The following MYOM2 variants were observed in gnomAD, a reference collection of about 807,000 sequenced individuals.
MYOM2 encodes the protein myomesin-2.
MYOM2 carries 254 observed loss-of-function variants against 187.6 expected under a neutral mutation model. The observed-to-expected ratio is 1.35, with a 90% CI of 1.22 to 1.50. The LOEUF is 1.50. Among genes scored for constraint, MYOM2 ranks in the 40% most tolerant of loss-of-function variants. The pLI is 0.00. For missense variants in MYOM2, 2,796 were observed against 1,924.0 expected, an observed-to-expected ratio of 1.45 and a Z score of -8.48; for synonymous variants, 981 against 753.8, an observed-to-expected ratio of 1.30 and a Z score of -4.94.
At chr8:2,135,210 A>G (rs1243729203) in intron 32 of MYOM2, among the ~76,000 whole-genome samples, 1 of 152,214 alleles carries the variant, frequency 6.6e-6, no homozygotes, top group African/African-American at 2.4e-5. Flanking sequence ...TATCTCTGTG[A>G]GAAACAAATG....
At chr8:2,047,024 C>G (rs531153673) in intron 1 of MYOM2, among the ~76,000 whole-genome samples, 3 of 152,298 alleles carry the variant, frequency 2.0e-5, no homozygotes, top group African/African-American at 7.2e-5. Context: ...TCTCAAGTAT[C>G]CAATTTCTGG....
rs1256538137 is a variant in MYOM2, at chr8:2,096,165, C to T, written c.2126-82C>T. On this transcript the variant is annotated intron_variant, in intron 17 of 36. Coordinates refer to ENST00000262113, the MANE Select transcript of MYOM2 (RefSeq NM_003970.4). ...GTCTCCACGTTGCTTCCTCCTCCCT[C>T]TGCCACACTGGAGCTGGCTGCCCCG... 2.1e-6 allele frequency: 3 copies of T among 1,411,462 alleles called. No individual in the cohort carries two copies. In the Admixed American group the frequency reaches 5.7e-5, roughly 27 times the overall value. 87.4% of individuals were successfully genotyped at this position (1,411,462 alleles called of 1,614,324 possible). A position where few individuals can be genotyped will look rare whatever the true frequency, so the allele number is the denominator to read the frequency against.
chr8:2,110,856 A>T (rs549597516), intron 25 of MYOM2, among the ~76,000 whole-genome samples: 131 of 152,234 alleles, frequency 8.6e-4, no homozygotes, highest in African/African-American at 3.0e-3. Flanking sequence ...GCAGGTAAGG[A>T]TCATAGAATT....
chr8:2,075,321 G>A (rs915738983), intron 10 of MYOM2, among the ~76,000 whole-genome samples: 2 of 152,094 alleles, frequency 1.3e-5, no homozygotes, highest in African/African-American at 2.4e-5. Flanking sequence ...ATGCAACACG[G>A]CTCAAATCGC....
At chr8:2,103,752 T>C (rs931141973) in intron 21 of MYOM2, among the ~76,000 whole-genome samples, 1 of 151,088 alleles carries the variant, frequency 6.6e-6, no homozygotes, top group Non-Finnish European at 1.5e-5. Flanking sequence ...TATGGATAAA[T>C]GAGTGGGAGA....
intron 24 of MYOM2, 62 bp from the exon 25 acceptor site, chr8:2,109,333 C>A: frequency 6.7e-7 from 1 of 1,490,346 alleles, no homozygotes; most frequent in Non-Finnish European, 9.0e-7. Context: ...CTACAATTTG[C>A]AGGTATTCTT....
chr8:2,131,979 T>C (rs1016621771), intron 32 of MYOM2, among the ~76,000 whole-genome samples: 1 of 152,182 alleles, frequency 6.6e-6, no homozygotes, highest in African/African-American at 2.4e-5. Flanking sequence ...AACTAAACTA[T>C]AAGACCTTAA....
chr8:2,079,039 G>A, intron 12 of MYOM2, 106 bp downstream of exon 12: 2 of 1,085,734 alleles, frequency 1.8e-6, no homozygotes, highest in African/African-American at 1.5e-5. Flanking sequence ...CCCTGAGAAT[G>A]CCCTGTGTGC....
At chr8:2,065,311 C>A (rs1818980061) in intron 6 of MYOM2, among the ~76,000 whole-genome samples, 1 of 152,180 alleles carries the variant, frequency 6.6e-6, no homozygotes, top group Non-Finnish European at 1.5e-5. Context: ...TGGCTCATGC[C>A]TGTAATCCCA....
At position 2,123,350 on chromosome 8, in the gene MYOM2, G is replaced by C. The variant is rs769536664; in HGVS notation, c.3552G>C (p.Glu1184Asp). The change falls in exon 29 of 37, where the codon GAG becomes GAC. Residue 1184 changes from glutamate to aspartate, a missense_variant. Physicochemically the swap from Glu to Asp is conservative, Grantham distance 45. Transcript: ENST00000262113. ...CTAACCTGGAGAGGGGAATCTGTGA[G>C]CTCCTCATCCCAAAGGTATCAGGCA... ...TLPNLERGIC[E>D]LLIPKLSKKD... is the part of the protein sequence containing the mutation. 77 of 1,610,898 alleles carry C rather than the reference G, an allele frequency of 4.8e-5. No individual in the cohort carries two copies. Among genetic ancestry groups the C allele is most frequent in the Non-Finnish European group, 5.8e-5 (68 of 1,178,580 alleles).
chr8:2,069,174 A>T, intron 6 of MYOM2, 104 bp from the exon 7 acceptor site: 1 of 1,108,638 alleles, frequency 9.0e-7, no homozygotes, highest in Non-Finnish European at 1.3e-6. Flanking sequence ...GAACAAATAA[A>T]CCACGCCATG....
chr8:2,100,153 C>CTTCTTTCT (rs1796654345), intron 19 of MYOM2, among the ~76,000 whole-genome samples: 3 of 137,330 alleles, frequency 2.2e-5, no homozygotes, highest in African/African-American at 8.7e-5. Context: ...TCCTTCCTTC[C>CTTCTTTCT]TTCCTTCCTT....
At chr8:2,074,771 A>T (rs1013084633) in intron 10 of MYOM2, among the ~76,000 whole-genome samples, 1 of 152,090 alleles carries the variant, frequency 6.6e-6, no homozygotes, top group African/African-American at 2.4e-5. Context: ...CTACGCTTTT[A>T]TCAGTGTCTG....
At chr8:2,079,362 C>G (rs1394165309) in intron 12 of MYOM2, among the ~76,000 whole-genome samples, 198 bp from the exon 13 acceptor site, 1 of 152,006 alleles carries the variant, frequency 6.6e-6, no homozygotes, top group Admixed American at 6.6e-5. Context: ...CGCACATGGT[C>G]CTTTGCATCC....
rs2280910 is a variant in MYOM2 at position 2,144,656 on chromosome 8, G to T, written c.4081-8G>T. 2.6e-3 allele frequency: 4,226 copies of T among 1,612,808 alleles called. 61 individuals carry two copies. The East Asian group carries it at 0.035, about 13-fold the overall frequency. ...TCTTCCTTCTCCACCAACCTCTTCC[G>T]TCCAAAGACCTTGAATCTGACCTGC... On this transcript the variant is annotated splice_polypyrimidine_tract_variant and splice_region_variant and intron_variant, in intron 36 of 36. Transcript: ENST00000262113.
At chr8:2,098,172 G>A (rs3824184) in intron 18 of MYOM2, 21,350 of 152,270 alleles carry the variant, frequency 0.14, 1,594 homozygotes, top group East Asian at 0.24. Flanking sequence ...AACTGAAGCC[G>A]TTTATCCTCA....
At chr8:2,142,310 T>C in intron 34 of MYOM2, 65 bp from the exon 35 acceptor site, 4 of 1,505,684 alleles carry the variant, frequency 2.7e-6, no homozygotes, top group Non-Finnish European at 2.8e-6. Flanking sequence ...AGCTGTGCAT[T>C]TTGTTGGAAG....
At chr8:2,090,384 G>T (rs1037367640) in intron 15 of MYOM2, among the ~76,000 whole-genome samples, 193 bp downstream of exon 15, 2 of 152,170 alleles carry the variant, frequency 1.3e-5, no homozygotes, top group African/African-American at 4.8e-5. Context: ...TTTCTCCAAA[G>T]CTCCATCTTC....
intron 1 of MYOM2, among the ~76,000 whole-genome samples, chr8:2,050,092 G>A (rs183027653): frequency 1.3e-5 from 2 of 152,064 alleles, no homozygotes; most frequent in South Asian, 2.1e-4. Context: ...GAGACTGCCC[G>A]TTCCCCAGGC....
Sources: gnomAD v4.1 joint callset for allele counts (sites outside exome capture counted in the v4.1 genomes callset) on GRCh38, gnomAD v4.1.1 for gene constraint, MANE v1.5 for transcripts, NCBI Gene and HGNC (gene_info 2026-07-23, HGNC 2026-07-21) for gene names.